Variants in ZNF385D observed in about 807,000 individuals in gnomAD.
ZNF385D encodes the protein zinc finger protein 659.
Under a neutral mutation model 35.8 loss-of-function variants are expected in ZNF385D, and 15 were observed. The ratio of observed to expected loss-of-function variants is 0.42; its 90% confidence interval spans 0.28 to 0.64. The LOEUF (loss-of-function observed/expected upper bound fraction) is 0.64. Among genes scored for constraint, ZNF385D ranks in the 30% least tolerant of loss-of-function variants. The pLI is 0.23. For synonymous variants in ZNF385D, 212 were observed against 186.8 expected, an observed-to-expected ratio of 1.13 and a Z score of -1.10; for missense variants, 474 against 494.6, an observed-to-expected ratio of 0.96 and a Z score of 0.39.
chr3:21,542,019 C>A lies in ZNF385D; in HGVS notation c.276+22555G>T, dbSNP rs145970986. ...TGGTGCACTCTGAAATATTCACAAT[C>A]ATAAAGCTAAAATTTGGGGATGTTT... On this transcript the variant is annotated intron_variant, in intron 3 of 7. Transcript: ENST00000281523. Among the ~76,000 whole-genome samples, 42 of 152,240 alleles carry A rather than the reference C, an allele frequency of 2.8e-4. No homozygotes were observed. In the Middle Eastern group the frequency reaches 0.017, roughly 62 times the overall value.
Position 21,690,586 on chromosome 3 carries a change from G to A in ZNF385D, c.23-25558C>T, listed in dbSNP as rs144654027. On this transcript the variant is annotated intron_variant, in intron 1 of 7. Coordinates refer to ENST00000281523, the MANE Select transcript of ZNF385D (RefSeq NM_024697.3). Reference sequence around the variant, plus strand: ...CTTTGACAATGTTGGCATCTAAACAGAGTCCTCTTTCTTTATCTTCCACTG... The same window carrying A: ...CTTTGACAATGTTGGCATCTAAACAAAGTCCTCTTTCTTTATCTTCCACTG... 3.1e-3 allele frequency among the ~76,000 whole-genome samples: 470 copies of A among 152,280 alleles called. 1 individual carries two copies. Among genetic ancestry groups the A allele is most frequent in the African/African-American group, 0.011 (444 of 41,544 alleles).
intron 3 of ZNF385D, among the ~76,000 whole-genome samples, chr3:21,548,945 C>T (rs975120445): frequency 1.3e-5 from 2 of 152,150 alleles, no homozygotes; most frequent in Non-Finnish European, 2.9e-5. Flanking sequence ...ATAGACATCA[C>T]TATGGTTTGT....
chr3:22,137,074 C>T (rs375251559), intron 3 of ZNF385D, among the ~76,000 whole-genome samples: 39 of 152,252 alleles, frequency 2.6e-4, no homozygotes, highest in African/African-American at 5.3e-4. Flanking sequence ...GTGCCAACTA[C>T]GGACATTAGT....
At chr3:22,165,236 G>T (rs115406913) in intron 3 of ZNF385D, among the ~76,000 whole-genome samples, 364 of 152,352 alleles carry the variant, frequency 2.4e-3, no homozygotes, top group African/African-American at 8.1e-3. Flanking sequence ...TGATAGTGCG[G>T]AAGGCTGTGT....
At chr3:22,336,957 G>C (rs537155060) in intron 2 of ZNF385D, among the ~76,000 whole-genome samples, 48 of 120,770 alleles carry the variant, frequency 4.0e-4, no homozygotes, top group Middle Eastern at 6.8e-3. Flanking sequence ...TTAGTGAGGA[G>C]AGAATATTTT....
At chr3:22,080,941 A>G (rs2125582627) in intron 3 of ZNF385D, among the ~76,000 whole-genome samples, 1 of 152,300 alleles carries the variant, frequency 6.6e-6, no homozygotes, top group South Asian at 2.1e-4. Flanking sequence ...ACTTCCCAAC[A>G]TGCAGAACTG....
chr3:21,795,050 T>A (rs532640395), intron 3 of ZNF385D, among the ~76,000 whole-genome samples: 1 of 152,338 alleles, frequency 6.6e-6, no homozygotes, highest in African/African-American at 2.4e-5. Flanking sequence ...TCAAATTATT[T>A]GTACCTGATC....
At chr3:22,236,488 C>A (rs76304877) in intron 2 of ZNF385D, among the ~76,000 whole-genome samples, 1 of 152,136 alleles carries the variant, frequency 6.6e-6, no homozygotes, top group African/African-American at 2.4e-5. Flanking sequence ...TAAGTTACCA[C>A]ATGCATGAAT....
At chr3:22,305,504 G>C (rs890933622) in intron 2 of ZNF385D, among the ~76,000 whole-genome samples, 1 of 152,064 alleles carries the variant, frequency 6.6e-6, no homozygotes, top group Admixed American at 6.6e-5. Flanking sequence ...GTCAGCGTTG[G>C]GCTCTGCTTC....
intron 2 of ZNF385D, among the ~76,000 whole-genome samples, chr3:22,176,099 A>T (rs995806399): frequency 6.8e-6 from 1 of 147,264 alleles, no homozygotes; most frequent in Non-Finnish European, 1.5e-5. Flanking sequence ...TAAAATTAAA[A>T]CTACAGCATC....
chr3:21,935,930 G>A (rs1051470094), intron 3 of ZNF385D, among the ~76,000 whole-genome samples: 1 of 152,112 alleles, frequency 6.6e-6, no homozygotes, highest in Non-Finnish European at 1.5e-5. Flanking sequence ...ATTTTAAAGG[G>A]TCTTGAATGT....
chr3:22,323,025 G>A (rs938195312), intron 2 of ZNF385D, among the ~76,000 whole-genome samples: 2 of 152,182 alleles, frequency 1.3e-5, no homozygotes, highest in East Asian at 1.9e-4. Flanking sequence ...TCCTGAAAAC[G>A]ATAGAAAGCA....
chr3:21,823,436 A>AACAC (rs34652539), intron 3 of ZNF385D, among the ~76,000 whole-genome samples: 27 of 151,244 alleles, frequency 1.8e-4, no homozygotes, highest in Middle Eastern at 6.8e-3. Flanking sequence ...AAGCCCCCCA[A>AACAC]ACACACACAC....
intron 2 of ZNF385D, among the ~76,000 whole-genome samples, chr3:22,255,844 T>C (rs756856423): frequency 4.0e-5 from 6 of 151,570 alleles, no homozygotes; most frequent in African/African-American, 7.3e-5. Context: ...TGATGGTTAA[T>C]ACTGAGTGTC....
intron 3 of ZNF385D, among the ~76,000 whole-genome samples, chr3:21,826,815 G>C (rs1180499026): frequency 1.4e-5 from 1 of 69,362 alleles, no homozygotes; most frequent in Non-Finnish European, 2.6e-5. Context: ...TAAAGAATCA[G>C]AAAATTAAAA....
chr3:21,663,890 AATATATATATATATAT>A (rs66691637), intron 2 of ZNF385D, among the ~76,000 whole-genome samples: 9 of 64,418 alleles, frequency 1.4e-4, no homozygotes, highest in Non-Finnish European at 1.9e-4. Flanking sequence ...TTGTGGGCCG[AATATATATATATATAT>A]ATATATATAT....
At chr3:21,566,229 C>T (rs2063141714) in intron 2 of ZNF385D, among the ~76,000 whole-genome samples, 1 of 151,674 alleles carries the variant, frequency 6.6e-6, no homozygotes, top group African/African-American at 2.4e-5. Flanking sequence ...TTTTCTTTTC[C>T]ACCTTCCCTT....
At chr3:21,724,529 C>T (rs1233883231) in intron 1 of ZNF385D, among the ~76,000 whole-genome samples, 1 of 94,022 alleles carries the variant, frequency 1.1e-5, no homozygotes, top group African/African-American at 4.3e-5. Context: ...GCAGGAGTTG[C>T]AATCCTAATG....
intron 1 of ZNF385D, among the ~76,000 whole-genome samples, chr3:21,723,717 A>G (rs9840383): frequency 0.28 from 42,370 of 152,060 alleles, 6,230 homozygotes; most frequent in South Asian, 0.44. Flanking sequence ...CCAAGTTGGA[A>G]AACACTCTTC....
Sources: gnomAD v4.1 joint callset for allele counts (sites outside exome capture counted in the v4.1 genomes callset) on GRCh38, gnomAD v4.1.1 for gene constraint, MANE v1.5 for transcripts, NCBI Gene and HGNC (gene_info 2026-07-23, HGNC 2026-07-21) for gene names.